PSD3: variants seen among roughly 807,000 people sequenced by gnomAD.
PSD3 encodes PH and SEC7 domain-containing protein 3.
Under a neutral mutation model 105.5 loss-of-function variants are expected in PSD3, and 49 were observed. The observed-to-expected ratio is 0.46, with a 90% CI of 0.37 to 0.59. The LOEUF (loss-of-function observed/expected upper bound fraction) is 0.59. Among genes scored for constraint, PSD3 ranks in the 20% least tolerant of loss-of-function variants. PSD3 has a pLI of 0.00. For synonymous variants in PSD3, 557 were observed against 457.8 expected, an observed-to-expected ratio of 1.22 and a Z score of -2.77; for missense variants, 1,561 against 1,263.8, an observed-to-expected ratio of 1.24 and a Z score of -3.57.
chr8:18,857,856 C>T (rs1453321005), intron 4 of PSD3, among the ~76,000 whole-genome samples: 5 of 152,110 alleles, frequency 3.3e-5, no homozygotes, highest in South Asian at 2.1e-4. Context: ...TAAGGCTTTC[C>T]TTTTGTAATT....
At chr8:18,834,731 G>A (rs949136477) in intron 4 of PSD3, among the ~76,000 whole-genome samples, 12 of 152,024 alleles carry the variant, frequency 7.9e-5, no homozygotes, top group Non-Finnish European at 1.6e-4. Context: ...GAACAAAGAC[G>A]CCATGAAAAA....
chr8:18,552,617 C>A (rs1182018684), intron 15 of PSD3, among the ~76,000 whole-genome samples: 1 of 152,046 alleles, frequency 6.6e-6, no homozygotes, highest in African/African-American at 2.4e-5. Flanking sequence ...ACTAGAAGCA[C>A]AGGGATCAAT....
chr8:18,873,752 G>A (rs62495866), intron 2 of PSD3, among the ~76,000 whole-genome samples: 9,372 of 152,120 alleles, frequency 0.062, 408 homozygotes, highest in Non-Finnish European at 0.095. Flanking sequence ...CCAGTCCCTG[G>A]TAACCATCAT....
intron 4 of PSD3, among the ~76,000 whole-genome samples, chr8:18,854,812 T>A (rs1421952424): frequency 6.6e-6 from 1 of 152,220 alleles, no homozygotes; most frequent in Non-Finnish European, 1.5e-5. Flanking sequence ...ACACTTAATC[T>A]CATGTAATTT....
chr8:18,730,026 A>AT (rs1321093021), intron 9 of PSD3: 20 of 152,222 alleles, frequency 1.3e-4, no homozygotes, highest in Non-Finnish European at 1.5e-5. Flanking sequence ...AAGCTTCCTC[A>AT]TTTTTGAAAC....
At chr8:18,870,406 A>C (rs1817244472) in intron 3 of PSD3, among the ~76,000 whole-genome samples, 1 of 149,552 alleles carries the variant, frequency 6.7e-6, no homozygotes, top group Non-Finnish European at 1.5e-5. Flanking sequence ...AATGCAGGGA[A>C]AGACCAGGAA....
chr8:18,679,998 A>G (rs1554469535), intron 9 of PSD3, among the ~76,000 whole-genome samples: 1 of 152,216 alleles, frequency 6.6e-6, no homozygotes, highest in Non-Finnish European at 1.5e-5. Context: ...ATTCACCTAC[A>G]ACAACATAAA....
chr8:18,950,463 A>T (rs1018073012), intron 1 of PSD3, among the ~76,000 whole-genome samples: 4 of 152,134 alleles, frequency 2.6e-5, no homozygotes, highest in Non-Finnish European at 4.4e-5. Flanking sequence ...AAAGAAACAA[A>T]CAAGCAAAAA....
At chr8:18,544,840 C>G (rs1332734898) in intron 15 of PSD3, among the ~76,000 whole-genome samples, 1 of 152,260 alleles carries the variant, frequency 6.6e-6, no homozygotes, top group East Asian at 1.9e-4. Context: ...CTCTATCTTA[C>G]TCTTCAGTGC....
At chr8:18,747,461 C>T (rs1309030013) in intron 9 of PSD3, among the ~76,000 whole-genome samples, 2 of 152,132 alleles carry the variant, frequency 1.3e-5, no homozygotes, top group East Asian at 1.9e-4. Flanking sequence ...AAGTCAGATG[C>T]ATTGTGGAAA....
intron 11 of PSD3, among the ~76,000 whole-genome samples, chr8:18,620,112 G>A (rs1329085197): frequency 6.6e-6 from 1 of 152,152 alleles, no homozygotes; most frequent in South Asian, 2.1e-4. Flanking sequence ...TACTCTTCAA[G>A]TCCTCAGACA....
chr8:18,617,559 T>C (rs1242849581), intron 11 of PSD3, among the ~76,000 whole-genome samples: 1 of 152,062 alleles, frequency 6.6e-6, no homozygotes, highest in Non-Finnish European at 1.5e-5. Context: ...ACTCTTATAT[T>C]TATATATCAT....
At chr8:18,662,097 C>T (rs145479824) in intron 9 of PSD3, among the ~76,000 whole-genome samples, 1 of 151,780 alleles carries the variant, frequency 6.6e-6, no homozygotes, top group Non-Finnish European at 1.5e-5. Flanking sequence ...TTGTGATGTA[C>T]TTCCAAACCC....
intron 11 of PSD3, among the ~76,000 whole-genome samples, chr8:18,621,885 T>C (rs1209478805): frequency 6.6e-6 from 1 of 152,258 alleles, no homozygotes; most frequent in Admixed American, 6.5e-5. Flanking sequence ...CTGTTCCCAA[T>C]GTTACACGAT....
chr8:18,893,487 T>C (rs1433219591), intron 2 of PSD3, among the ~76,000 whole-genome samples: 2 of 152,202 alleles, frequency 1.3e-5, no homozygotes, highest in African/African-American at 4.8e-5. Flanking sequence ...AGCCGTTTCT[T>C]TTTATTTATT....
At chr8:19,061,027 AG>A (rs1428821914) in intron 1 of PSD3, among the ~76,000 whole-genome samples, 1 of 152,198 alleles carries the variant, frequency 6.6e-6, no homozygotes, top group African/African-American at 2.4e-5. Flanking sequence ...TTCATTAGCC[AG>A]GGTTTCCTTC....
rs539903744 is a variant in PSD3 at position 18,618,729 on chromosome 8, G to A, written c.2410+13884C>T. Among the ~76,000 whole-genome samples the A allele has an allele frequency of 7.8e-4, 119 of 151,726 alleles. 1 individual carries two copies. Among genetic ancestry groups the A allele is most frequent in the African/African-American group, 2.7e-3 (110 of 41,340 alleles). On this transcript the variant is annotated intron_variant, in intron 11 of 15. Coordinates refer to ENST00000327040, the MANE Select transcript of PSD3 (RefSeq NM_015310.4). The stretch of plus-strand genomic sequence containing the variant: ...CTTTTCTTTTCTATTTTTGTAAGAC[G>A]GAGTGCAGTGGTGTAATCATGGCTC...
intron 9 of PSD3, among the ~76,000 whole-genome samples, chr8:18,670,103 G>A (rs1799692701): frequency 6.6e-6 from 1 of 152,148 alleles, no homozygotes; most frequent in Admixed American, 6.5e-5. Context: ...TAAGGTCACT[G>A]GAAAGAGTAG....
chr8:18,620,355 T>C (rs552244126), intron 11 of PSD3, among the ~76,000 whole-genome samples: 1 of 150,154 alleles, frequency 6.7e-6, no homozygotes, highest in East Asian at 1.9e-4. Flanking sequence ...TTTTTTTTTT[T>C]TTTTTCCCCA....
Sources: allele counts gnomAD v4.1 joint callset (sites outside exome capture counted in the v4.1 genomes callset), GRCh38; gene constraint gnomAD v4.1.1; transcripts MANE v1.5; gene names NCBI Gene and HGNC (gene_info 2026-07-23, HGNC 2026-07-21).